TAB2: variants seen among roughly 807,000 people sequenced by gnomAD.
The protein encoded by TAB2 is TGF-beta activated kinase 1 (MAP3K7) binding protein 2.
In TAB2, 3 loss-of-function variants were observed where a neutral mutation model predicts 65.0. The observed-to-expected ratio is 0.05, with a 90% CI of 0.02 to 0.12. The LOEUF (loss-of-function observed/expected upper bound fraction) is 0.12. Among genes scored for constraint, TAB2 ranks in the 10% least tolerant of loss-of-function variants. The pLI, the probability that TAB2 is intolerant of heterozygous loss-of-function variation, is 1.00. For synonymous variants in TAB2, 298 were observed against 285.1 expected (o/e 1.05, Z -0.46); for missense variants, 623 against 840.3 (o/e 0.74, Z 3.20).
intron 1 of TAB2, among the ~76,000 whole-genome samples, chr6:149,307,501 T>G (rs1009706220): frequency 6.6e-6 from 1 of 152,186 alleles, no homozygotes; most frequent in Non-Finnish European, 1.5e-5. Context: ...GATTTTTTTG[T>G]CTGCTGCCCT....
chr6:149,369,912 A>C lies in TAB2; in HGVS notation c.-86A>C. The C allele has an allele frequency of 8.5e-7, 1 of 1,183,314 alleles. No individual in the cohort carries two copies. Among genetic ancestry groups the C allele is most frequent in the Non-Finnish European group, 1.3e-6 (1 of 794,494 alleles). The allele number at this position is 1,183,314 out of a possible 1,614,324, so 73.3% of individuals were successfully genotyped here. The stretch of plus-strand genomic sequence containing the variant: ...ATTTTTTTTCTTTCTTTCACAGAAA[A>C]TGCTTGGACAGAAGAGATGAGTACT... On this transcript the variant is annotated 5_prime_UTR_variant, in exon 2 of 7. An upstream start codon of the reference 5' UTR is lost. Coordinates refer to ENST00000637181, the MANE Select transcript of TAB2 (RefSeq NM_001292034.3).
intron 3 of TAB2, among the ~76,000 whole-genome samples, chr6:149,396,172 C>T (rs1302802408): frequency 2.0e-5 from 3 of 152,104 alleles, no homozygotes; most frequent in African/African-American, 7.2e-5. Flanking sequence ...CATCCACCAC[C>T]ACGCCCGGCA....
Position 149,410,855 on chromosome 6 carries a change from C to T in TAB2, c.*1136C>T, listed in dbSNP as rs1429369924. The T allele has an allele frequency of 6.6e-6, 1 of 152,438 alleles. No individual in the cohort carries two copies. The highest frequency in any genetic ancestry group is 1.5e-5 in the Non-Finnish European group (1 of 68,046). The allele number at this position is 152,438 out of a possible 1,614,324, so 9.4% of individuals were successfully genotyped here. A position where few individuals can be genotyped will look rare whatever the true frequency, so the allele number is the denominator to read the frequency against. ...AGTTGTTATTGGGAAAGTACAGTCTCAAAACCAGCAACAGCAGCAGTACCT... is the reference window on the plus strand; with the variant it reads ...AGTTGTTATTGGGAAAGTACAGTCTTAAAACCAGCAACAGCAGCAGTACCT... On this transcript the variant is annotated 3_prime_UTR_variant, in exon 7 of 7. Coordinates refer to ENST00000637181, the MANE Select transcript of TAB2 (RefSeq NM_001292034.3).
chr6:149,385,290 A>T (rs1475382508), intron 3 of TAB2, among the ~76,000 whole-genome samples: 1 of 152,240 alleles, frequency 6.6e-6, no homozygotes, highest in Non-Finnish European at 1.5e-5. Context: ...AGATTCTAAA[A>T]CTTGTACTTT....
chr6:149,242,088 G>A (rs1777610159), intron 1 of TAB2, among the ~76,000 whole-genome samples: 1 of 152,142 alleles, frequency 6.6e-6, no homozygotes, highest in South Asian at 2.1e-4. Context: ...GCAGGATATG[G>A]ATGTCACTGC....
At chr6:149,343,509 T>G (rs1392190665) in intron 1 of TAB2, among the ~76,000 whole-genome samples, 1 of 152,170 alleles carries the variant, frequency 6.6e-6, no homozygotes, top group African/African-American at 2.4e-5. Context: ...CTTCAGTAAT[T>G]GGAAATTAGA....
upstream of TAB2, among the ~76,000 whole-genome samples, chr6:149,313,756 A>C (rs142326022): frequency 6.6e-6 from 1 of 152,158 alleles, no homozygotes. Context: ...CACTTGTTCC[A>C]CCATGTAGAC....
At chr6:149,335,037 C>G (rs1229043660) in intron 1 of TAB2, among the ~76,000 whole-genome samples, 1 of 152,024 alleles carries the variant, frequency 6.6e-6, no homozygotes, top group Non-Finnish European at 1.5e-5. Context: ...TCCCTCCTTC[C>G]CTCACTCGCT....
At chr6:149,335,960 G>A (rs1024415056) in intron 1 of TAB2, among the ~76,000 whole-genome samples, 1 of 151,896 alleles carries the variant, frequency 6.6e-6, no homozygotes, top group African/African-American at 2.4e-5. Context: ...ATACTTTGCT[G>A]CTTTCTGAAA....
chr6:149,407,211 C>T (rs28672965), intron 6 of TAB2, among the ~76,000 whole-genome samples: 15 of 152,266 alleles, frequency 9.9e-5, no homozygotes, highest in South Asian at 2.1e-4. Context: ...GAGATGACAG[C>T]GGTATAAGCA....
chr6:149,360,421 G>A (rs563087219), intron 1 of TAB2, among the ~76,000 whole-genome samples: 13 of 152,238 alleles, frequency 8.5e-5, no homozygotes, highest in Admixed American at 2.6e-4. Context: ...TGGCAAGAGC[G>A]GAAGCAAGGG....
chr6:149,228,344 G>A (rs1162468319), intron 1 of TAB2, among the ~76,000 whole-genome samples: 1 of 152,190 alleles, frequency 6.6e-6, no homozygotes, highest in East Asian at 1.9e-4. Flanking sequence ...AGCTTGCCTG[G>A]AATCTGGCTG....
chr6:149,350,617 C>CTTTTTTTTTT (rs150204735), intron 1 of TAB2, among the ~76,000 whole-genome samples: 4 of 92,516 alleles, frequency 4.3e-5, no homozygotes, highest in Admixed American at 1.3e-4. Flanking sequence ...TATTTTATGT[C>CTTTTTTTTTT]TTTTTTTTTT....
At chr6:149,377,011 G>A (rs553222414) in intron 2 of TAB2, among the ~76,000 whole-genome samples, 46 of 151,364 alleles carry the variant, frequency 3.0e-4, no homozygotes, top group Non-Finnish European at 5.5e-4. Context: ...GAGGAAGCGT[G>A]TGAAGGATTG....
In TAB2 at chr6:149,374,372, T is replaced by G. The variant is rs1358034126; in HGVS notation, c.103-3646T>G. ...GTAGCTGGGGCTGCAGGTGTCCTAC[T>G]CTACCTGGCTAATTAAAAACAAGAT... On this transcript the variant is annotated intron_variant, in intron 2 of 6. Transcript: ENST00000637181. Among the ~76,000 whole-genome samples, 3 of 152,114 alleles carry G rather than the reference T, an allele frequency of 2.0e-5. No homozygotes were observed. The East Asian group carries it at 5.8e-4, about 29-fold the overall frequency.
chr6:149,312,753 A>T (rs148774840), upstream of TAB2, among the ~76,000 whole-genome samples: 784 of 150,800 alleles, frequency 5.2e-3, 5 homozygotes, highest in African/African-American at 0.018. Flanking sequence ...TGGGTGAAAA[A>T]TTCTATATAT....
chr6:149,328,868 G>A (rs1053324196), intron 1 of TAB2, among the ~76,000 whole-genome samples: 2 of 152,154 alleles, frequency 1.3e-5, no homozygotes, highest in African/African-American at 4.8e-5. Context: ...ATATGACAGG[G>A]AAATCTTCCT....
intron 1 of TAB2, among the ~76,000 whole-genome samples, chr6:149,362,064 T>C (rs1339331654): frequency 2.0e-5 from 3 of 152,236 alleles, no homozygotes; most frequent in Non-Finnish European, 4.4e-5. Context: ...AGATATTCCC[T>C]CATCTTCCTG....
At chr6:149,319,324 C>T (rs754354778) in intron 1 of TAB2, among the ~76,000 whole-genome samples, 45 of 152,188 alleles carry the variant, frequency 3.0e-4, no homozygotes, top group Non-Finnish European at 5.9e-4. Context: ...AATATCTTTA[C>T]ATTCTTTGTA....
Sources: allele counts gnomAD v4.1 joint callset (sites outside exome capture counted in the v4.1 genomes callset), GRCh38; gene constraint gnomAD v4.1.1; transcripts MANE v1.5; gene names NCBI Gene and HGNC (gene_info 2026-07-23, HGNC 2026-07-21).